Variants in ZNF223 observed in about 807,000 individuals in gnomAD.
ZNF223 encodes the protein Homo sapiens zinc finger protein 223.
In ZNF223, 9 loss-of-function variants were observed where a neutral mutation model predicts 12.3. The observed-to-expected ratio is 0.73, with a 90% CI of 0.44 to 1.28. The LOEUF is 1.28. Ranked by LOEUF, ZNF223 falls within the 50% of genes most tolerant of loss-of-function variation. ZNF223 has a pLI of 0.00. For missense variants in ZNF223, 506 were observed against 579.0 expected (o/e 0.87, Z 1.29); for synonymous variants, 171 against 195.2 (o/e 0.88, Z 1.03).
chr19:44,060,873 G>A, intron 4 of ZNF223, 32 bp downstream of exon 4: 2 of 1,584,484 alleles, frequency 1.3e-6, no homozygotes, highest in Non-Finnish European at 1.7e-6. Context: ...GTCCTTGTTT[G>A]TGACTTCCAT....
intron 2 of ZNF223, among the ~76,000 whole-genome samples, chr19:44,057,095 TACTC>T (rs1201349125): frequency 6.6e-6 from 1 of 152,214 alleles, no homozygotes; most frequent in East Asian, 1.9e-4. Flanking sequence ...AAAGTGGTGA[TACTC>T]ATTTATAATA....
intron 2 of ZNF223, among the ~76,000 whole-genome samples, chr19:44,059,366 C>T (rs1976808285): frequency 6.6e-6 from 1 of 152,180 alleles, no homozygotes; most frequent in East Asian, 1.9e-4. Flanking sequence ...AGCTCTCTCT[C>T]ATGTGGCAGG....
In ZNF223 at chr19:44,067,167, C is replaced by CA. The variant is rs758726370; in HGVS notation, c.1346dup (p.Asn449LysfsTer11). On this transcript the variant is annotated frameshift_variant, in exon 5 of 5. Coordinates refer to ENST00000434772, the MANE Select transcript of ZNF223 (RefSeq NM_013361.6). LOFTEE classifies it low-confidence loss of function (END_TRUNC). Reference sequence around the variant, plus strand: ...ATACCGGTCATACCGTAAAGACCAACAAAAAAACCACAGTGGAGAAAATCC... The same window carrying CA: ...ATACCGGTCATACCGTAAAGACCAACAAAAAAAACCACAGTGGAGAAAATCC... 1.2e-6 allele frequency: 2 copies of CA among 1,611,502 alleles called. No homozygotes were observed. Among genetic ancestry groups the CA allele is most frequent in the Non-Finnish European group, 1.7e-6 (2 of 1,179,394 alleles).
At chr19:44,064,085 C>G (rs1023128850) in intron 4 of ZNF223, among the ~76,000 whole-genome samples, 1 of 152,184 alleles carries the variant, frequency 6.6e-6, no homozygotes, top group Non-Finnish European at 1.5e-5. Context: ...ATAACCTGGA[C>G]AGTTTTCATG....
intron 4 of ZNF223, among the ~76,000 whole-genome samples, chr19:44,061,611 A>G (rs923445940): frequency 6.6e-6 from 1 of 152,218 alleles, no homozygotes; most frequent in African/African-American, 2.4e-5. Flanking sequence ...GTATGATCCA[A>G]GTTGACTTTC....
chr19:44,053,872 G>A (rs1268217131), intron 1 of ZNF223, among the ~76,000 whole-genome samples: 1 of 152,184 alleles, frequency 6.6e-6, no homozygotes, highest in Non-Finnish European at 1.5e-5. Flanking sequence ...CATACTGCCT[G>A]CAAACACATT....
rs745454038 is a variant in ZNF223, at chr19:44,067,230, CG to C, written c.1403del (p.Arg468ProfsTer2). The C allele has an allele frequency of 5.9e-5, 95 of 1,607,150 alleles. No individual in the cohort carries two copies. The highest frequency in any genetic ancestry group is 1.0e-4 in the Admixed American group (6 of 58,276). ...AGACTGTGGGAAGCGCTACAAGAGG[CG>C]CTTGAATCTTGATATAATTTTATCA... ...CEDCGKRYKR[R>X]LNLDIILSLF... On this transcript the variant is annotated frameshift_variant, in exon 5 of 5. Transcript: ENST00000434772. LOFTEE classifies it high-confidence loss of function.
chr19:44,055,261 T>C, intron 2 of ZNF223, 70 bp downstream of exon 2: 1 of 1,565,412 alleles, frequency 6.4e-7, no homozygotes, highest in Non-Finnish European at 8.8e-7. Flanking sequence ...TGTTTTTCTC[T>C]GCCCTGGGAA....
chr19:44,066,007 TA>T (rs1391997488), intron 4 of ZNF223, 56 bp from the exon 5 acceptor site: 1 of 1,521,580 alleles, frequency 6.6e-7, no homozygotes, highest in African/African-American at 1.4e-5. Flanking sequence ...TGTGAACTCT[TA>T]AAAACACTGA....
rs1352402037 is a variant in ZNF223, at chr19:44,066,443, G to A, written c.615G>A (p.Lys205=). 3.7e-6 allele frequency: 6 copies of A among 1,614,190 alleles called. No individual in the cohort carries two copies. The highest frequency in any genetic ancestry group is 5.1e-6 in the Non-Finnish European group (6 of 1,180,048). Residue 205 remains lysine, a synonymous_variant, in exon 5 of 5, where the codon AAG becomes AAA. Transcript: ENST00000434772. ...QRVHLGEKLF[K]CDVCGKEFSQ... ...TCCACCTGGGAGAGAAACTCTTTAA[G>A]TGTGACGTGTGTGGTAAGGAATTCA...
intron 4 of ZNF223, 64 bp downstream of exon 4, chr19:44,060,905 C>T (rs1976829882): frequency 3.5e-6 from 5 of 1,438,312 alleles, no homozygotes; most frequent in Non-Finnish European, 4.8e-6. Flanking sequence ...CTGTGCACGT[C>T]CAACTCCATT....
intron 2 of ZNF223, among the ~76,000 whole-genome samples, chr19:44,057,883 A>C (rs1245123827): frequency 1.3e-5 from 2 of 152,254 alleles, no homozygotes; most frequent in African/African-American, 4.8e-5. Flanking sequence ...AACAGATTGC[A>C]TGAAGCAGAT....
chr19:44,062,114 G>A (rs775641707), intron 4 of ZNF223, among the ~76,000 whole-genome samples: 1 of 152,140 alleles, frequency 6.6e-6, no homozygotes, highest in Non-Finnish European at 1.5e-5. Context: ...TAATGGATGG[G>A]GGGACTTCAC....
chr19:44,056,641 T>G (rs1483676451), intron 2 of ZNF223, among the ~76,000 whole-genome samples: 1 of 123,058 alleles, frequency 8.1e-6, no homozygotes, highest in Non-Finnish European at 1.6e-5. Context: ...TTGCCTAGGC[T>G]GGAGTACAGT....
chr19:44,056,585 A>ATTTTTTTTTTTT (rs775187674), intron 2 of ZNF223, among the ~76,000 whole-genome samples: 11 of 72,158 alleles, frequency 1.5e-4, no homozygotes, highest in African/African-American at 7.4e-4. Context: ...ATGCCTCACC[A>ATTTTTTTTTTTT]TTTTTTTTTT....
chr19:44,056,584 C>CTTT (rs1568512087), intron 2 of ZNF223, among the ~76,000 whole-genome samples: 52 of 78,396 alleles, frequency 6.6e-4, no homozygotes, highest in African/African-American at 1.9e-3. Context: ...AATGCCTCAC[C>CTTT]ATTTTTTTTT....
chr19:44,066,301 G>A lies in ZNF223; in HGVS notation c.473G>A (p.Ser158Asn). ...TGTGGGAAGTGTAAACAATCCTTCA[G>A]TGATATGTCCATCTTTGATCTTCCT... Reference protein sequence around the residue: ...SNCGKCKQSFSDMSIFDLPQQ... With the variant: ...SNCGKCKQSFNDMSIFDLPQQ... Residue 158 changes from serine (S) to asparagine (N), a missense_variant, in exon 5 of 5, where the codon AGT (serine) becomes AAT (asparagine). Transcript: ENST00000434772. 6.2e-7 allele frequency: 1 copy of A among 1,614,244 alleles called. No individual in the cohort carries two copies. The highest frequency in any genetic ancestry group is 8.5e-7 in the Non-Finnish European group (1 of 1,180,052).
chr19:44,065,833 TTCCCAAAGTGCCTTGGTC>T (rs1172997034), intron 4 of ZNF223, among the ~76,000 whole-genome samples: 2 of 152,260 alleles, frequency 1.3e-5, no homozygotes, highest in South Asian at 2.1e-4. Context: ...CTGCCTCAGC[TTCCCAAAGTGCCTTGGTC>T]TCCCAAAGTG....
chr19:44,064,671 T>G (rs1030169486), intron 4 of ZNF223, among the ~76,000 whole-genome samples: 33 of 152,194 alleles, frequency 2.2e-4, no homozygotes, highest in African/African-American at 7.5e-4. Context: ...TTCAATAATT[T>G]CCTAGAAAGA....
Sources: gnomAD v4.1 joint callset for allele counts (sites outside exome capture counted in the v4.1 genomes callset) on GRCh38, gnomAD v4.1.1 for gene constraint, MANE v1.5 for transcripts, NCBI Gene and HGNC (gene_info 2026-07-23, HGNC 2026-07-21) for gene names.